The following DPF3 variants were observed in gnomAD, a reference collection of about 807,000 sequenced individuals.
DPF3 encodes double PHD fingers 3.
DPF3 carries 18 observed loss-of-function variants against 56.8 expected under a neutral mutation model. The ratio of observed to expected loss-of-function variants is 0.32; its 90% CI spans 0.22 to 0.47. The LOEUF (loss-of-function observed/expected upper bound fraction) is 0.47, where lower values mean the gene tolerates loss of function less well. Ranked by LOEUF, DPF3 falls within the 20% of genes least tolerant of loss-of-function variation. The pLI is 1.00. For missense variants in DPF3, 403 were observed against 488.8 expected (o/e 0.82, Z 1.65); for synonymous variants, 188 against 180.2 (o/e 1.04, Z -0.35).
rs1018901450 is a variant in DPF3 at position 72,617,495 on chromosome 14, A to C, written c.*1802T>G. Among the ~76,000 whole-genome samples the C allele has an allele frequency of 6.6e-6, 1 of 152,140 alleles. No homozygotes were observed. The highest frequency in any genetic ancestry group is 2.4e-5 in the African/African-American group (1 of 41,430). ...ACCAGCAGGCGGAAGGAAATTACTT[A>C]TGAGGAAGATGAAAATTCCATCCGG... On this transcript the variant is annotated 3_prime_UTR_variant, in exon 11 of 11. Transcript: ENST00000556509.
At chr14:72,807,878 T>C (rs532190976) in intron 1 of DPF3, among the ~76,000 whole-genome samples, 26 of 152,240 alleles carry the variant, frequency 1.7e-4, no homozygotes, top group Non-Finnish European at 3.7e-4. Flanking sequence ...GGCAGGAAGA[T>C]CACTTGAGCC....
At chr14:72,769,678 CA>C (rs59586674) in intron 2 of DPF3, among the ~76,000 whole-genome samples, 163 of 42,766 alleles carry the variant, frequency 3.8e-3, no homozygotes, top group East Asian at 0.018. Flanking sequence ...GACTCCATCT[CA>C]AAAAAAAAAA....
intron 3 of DPF3, among the ~76,000 whole-genome samples, chr14:72,743,484 G>T (rs1890209612): frequency 6.6e-6 from 1 of 152,024 alleles, no homozygotes; most frequent in African/African-American, 2.4e-5. Context: ...CCTAGACCAT[G>T]GGGACCGAAG....
chr14:72,710,095 G>A (rs917713709), intron 6 of DPF3, among the ~76,000 whole-genome samples: 1 of 152,192 alleles, frequency 6.6e-6, no homozygotes, highest in African/African-American at 2.4e-5. Context: ...GGAAAAGTGG[G>A]TCTCTCATCA....
intron 8 of DPF3, among the ~76,000 whole-genome samples, chr14:72,647,427 C>G (rs1211767267): frequency 6.6e-6 from 1 of 152,192 alleles, no homozygotes; most frequent in Admixed American, 6.5e-5. Context: ...TGCCAGAGAC[C>G]TGTGGGTCTC....
intron 8 of DPF3, among the ~76,000 whole-genome samples, chr14:72,632,311 A>T (rs1392505792): frequency 6.6e-6 from 1 of 152,186 alleles, no homozygotes; most frequent in African/African-American, 2.4e-5. Context: ...ATGTATTTGT[A>T]CATGTAAAAC....
chr14:72,771,808 G>A lies in DPF3; in HGVS notation c.118C>T (p.Pro40Ser), dbSNP rs1395707839. Residue 40 changes from proline (P) to serine (S), a missense_variant, in exon 2 of 11, where the codon CCC becomes TCC. Physicochemically the swap from Pro to Ser is moderately conservative, Grantham distance 74. Around this residue, in one of 2 missense-constraint regions of DPF3, gnomAD observed 340 missense variants for 374.3 expected, o/e 0.91. Transcript: ENST00000556509. Reference sequence around the variant, plus strand: ...ACCCCAGTCTGTGAGTCCAGGAAGGGAAGACGCACGCTGCGCTCTGCACAC... The same window carrying A: ...ACCCCAGTCTGTGAGTCCAGGAAGGAAAGACGCACGCTGCGCTCTGCACAC... ...RLCAERSVRLPFLDSQTGVAQ... is the reference protein window; with the variant it reads ...RLCAERSVRLSFLDSQTGVAQ... The A allele has an allele frequency of 1.2e-6, 2 of 1,613,898 alleles. No homozygotes were observed. Among genetic ancestry groups the A allele is most frequent in the South Asian group, 1.1e-5 (1 of 91,058 alleles).
chr14:72,822,323 G>T (rs955746255), intron 1 of DPF3, among the ~76,000 whole-genome samples: 3 of 152,176 alleles, frequency 2.0e-5, no homozygotes, highest in African/African-American at 4.8e-5. Flanking sequence ...AGTGGAGGTT[G>T]TGGTGAGCCA....
intron 1 of DPF3, among the ~76,000 whole-genome samples, chr14:72,893,414 C>G (rs749185536): frequency 6.0e-4 from 92 of 152,236 alleles, no homozygotes; most frequent in Admixed American, 9.8e-4. Flanking sequence ...CGGGGGCTGC[C>G]GGGGAAAGCC....
At chr14:72,765,900 C>T (rs969478479) in intron 2 of DPF3, among the ~76,000 whole-genome samples, 2 of 151,728 alleles carry the variant, frequency 1.3e-5, no homozygotes, top group African/African-American at 4.8e-5. Context: ...GGCAACAAGG[C>T]GAGACTCCAT....
At chr14:72,629,809 A>T in intron 8 of DPF3, 73 bp from the exon 9 acceptor site, 1 of 1,214,564 alleles carries the variant, frequency 8.2e-7, no homozygotes. Flanking sequence ...CTCACTGGAA[A>T]CACATTGATG....
At chr14:72,823,905 T>G (rs764028793) in intron 1 of DPF3, among the ~76,000 whole-genome samples, 44 of 152,174 alleles carry the variant, frequency 2.9e-4, no homozygotes, top group Non-Finnish European at 5.4e-4. Context: ...CTATGCTTCC[T>G]TCCAGCTGTA....
Position 72,714,455 on chromosome 14 carries a change from T to A in DPF3, c.572A>T (p.Gln191Leu). The A allele has an allele frequency of 2.5e-6, 4 of 1,613,854 alleles. No individual in the cohort carries two copies. The highest frequency in any genetic ancestry group is 2.2e-5 in the East Asian group (1 of 44,874). Reference protein sequence around the residue: ...GGRRRHDAASQEDHDKPYVCD... With the variant: ...GGRRRHDAASLEDHDKPYVCD... ...GACGTAAGGTTTGTCGTGGTCTTCC[T>A]GAGAGGCGGCGTCGTGCCTCCTCCT... is the stretch of plus-strand genomic sequence containing the variant. The change falls in exon 6 of 11, where the codon CAG becomes CTG. Residue 191 changes from glutamine to leucine, a missense_variant. Coordinates refer to ENST00000556509, the MANE Select transcript of DPF3 (RefSeq NM_001280542.3).
At chr14:72,793,766 C>T (rs148041242) in intron 1 of DPF3, among the ~76,000 whole-genome samples, 7 of 152,298 alleles carry the variant, frequency 4.6e-5, no homozygotes, top group Admixed American at 6.5e-5. Flanking sequence ...GCAAATTCAA[C>T]GTGATTTTCA....
At chr14:72,716,289 CTG>C (rs1888925632) in intron 5 of DPF3, among the ~76,000 whole-genome samples, 1 of 152,142 alleles carries the variant, frequency 6.6e-6, no homozygotes, top group Admixed American at 6.5e-5. Flanking sequence ...CAGAGTGACT[CTG>C]TGCCACACTC....
At chr14:72,790,862 T>C (rs1323812748) in intron 1 of DPF3, among the ~76,000 whole-genome samples, 2 of 152,172 alleles carry the variant, frequency 1.3e-5, no homozygotes, top group Non-Finnish European at 2.9e-5. Flanking sequence ...CTCTCCTCCA[T>C]TGGTCCCTCC....
At chr14:72,684,085 C>G (rs1049904003) in intron 7 of DPF3, among the ~76,000 whole-genome samples, 4 of 152,190 alleles carry the variant, frequency 2.6e-5, no homozygotes, top group African/African-American at 9.7e-5. Flanking sequence ...CTCTCTCTGT[C>G]TCCCAGACTG....
Position 72,609,723 on chromosome 14 carries a change from G to A in DPF3, c.*9574C>T, listed in dbSNP as rs972801273. 2.6e-5 allele frequency among the ~76,000 whole-genome samples: 4 copies of A among 152,174 alleles called. No individual in the cohort carries two copies. Among genetic ancestry groups the A allele is most frequent in the African/African-American group, 9.7e-5 (4 of 41,424 alleles). ...GAGGACAGCTAACGGGGTGGGAGGT[G>A]GGAGCTTTTTGTTTGTCTGTTGCTG... On this transcript the variant is annotated 3_prime_UTR_variant, in exon 11 of 11. Transcript: ENST00000556509.
intron 4 of DPF3, among the ~76,000 whole-genome samples, chr14:72,729,485 T>C (rs961152879): frequency 2.0e-5 from 3 of 152,086 alleles, no homozygotes; most frequent in African/African-American, 7.2e-5. Context: ...CACTCTCAGA[T>C]AGCAGGGGCG....
Sources: allele counts gnomAD v4.1 joint callset (sites outside exome capture counted in the v4.1 genomes callset), GRCh38; gene constraint gnomAD v4.1.1; regional missense constraint gnomAD v4.1.1; transcripts MANE v1.5; gene names NCBI Gene and HGNC (gene_info 2026-07-23, HGNC 2026-07-21).